The following ARHGAP26 variants were observed in gnomAD, a reference collection of about 807,000 sequenced individuals.
The protein encoded by ARHGAP26 is Rho GTPase activating protein 26.
In ARHGAP26, 38 loss-of-function variants were observed where a neutral mutation model predicts 104.8. That is an observed-to-expected ratio of 0.36 (90% CI 0.28 to 0.48). The LOEUF is 0.48. Among genes scored for constraint, ARHGAP26 ranks in the 20% least tolerant of loss-of-function variants. The pLI is 0.99. For synonymous variants in ARHGAP26, 341 were observed against 340.0 expected (o/e 1.00, Z -0.03); for missense variants, 704 against 947.9 (o/e 0.74, Z 3.38).
At chr5:142,772,632 G>A in intron 1 of ARHGAP26, 3 of 444,698 alleles carry the variant, frequency 6.7e-6, no homozygotes, top group Non-Finnish European at 1.4e-5. Context: ...TTCTGCAAAT[G>A]AGAAAACAGA....
At position 143,037,192 on chromosome 5, in the gene ARHGAP26, T is replaced by G; in HGVS notation, c.1145-4T>G. 6.3e-7 allele frequency: 1 copy of G among 1,599,088 alleles called. No individual in the cohort carries two copies. The highest frequency in any genetic ancestry group is 8.6e-7 in the Non-Finnish European group (1 of 1,168,672). ...ACTTGACTGTCCTTCTCTTGCTCTT[T>G]CAGCTGCGCAGTTGGACAGCATTGG... On this transcript the variant is annotated splice_region_variant and splice_polypyrimidine_tract_variant and intron_variant, in intron 12 of 22. Transcript: ENST00000645722.
intron 1 of ARHGAP26, among the ~76,000 whole-genome samples, chr5:142,813,002 A>G (rs1252704632): frequency 2.1e-5 from 3 of 142,972 alleles, no homozygotes; most frequent in African/African-American, 7.9e-5. Context: ...CAGTGGCGCG[A>G]TCTCGGCTCA....
chr5:143,003,413 C>G (rs1259177130), intron 11 of ARHGAP26, among the ~76,000 whole-genome samples: 1 of 152,170 alleles, frequency 6.6e-6, no homozygotes, highest in Non-Finnish European at 1.5e-5. Flanking sequence ...AAGACCCAGA[C>G]GAAGGAATGC....
chr5:142,784,329 A>G (rs893539582), intron 1 of ARHGAP26, among the ~76,000 whole-genome samples: 2 of 152,038 alleles, frequency 1.3e-5, no homozygotes, highest in Admixed American at 1.3e-4. Context: ...CTTGCTTCTC[A>G]TCTCCCCCAC....
intron 17 of ARHGAP26, among the ~76,000 whole-genome samples, chr5:143,110,129 C>T (rs978279220): frequency 6.6e-6 from 1 of 152,212 alleles, no homozygotes; most frequent in African/African-American, 2.4e-5. Flanking sequence ...CATGAGATGT[C>T]CTTGACCACC....
chr5:142,810,453 A>C (rs765105623), intron 1 of ARHGAP26, among the ~76,000 whole-genome samples: 5 of 152,088 alleles, frequency 3.3e-5, no homozygotes, highest in African/African-American at 4.8e-5. Context: ...TTTAATGAAC[A>C]TGCCTTTTTG....
At chr5:142,925,527 A>G (rs1408041632) in intron 10 of ARHGAP26, among the ~76,000 whole-genome samples, 1 of 152,224 alleles carries the variant, frequency 6.6e-6, no homozygotes, top group Non-Finnish European at 1.5e-5. Context: ...ATCTTTGTGT[A>G]AATGAAGCTC....
At chr5:142,899,743 G>A (rs1208333779) in intron 6 of ARHGAP26, among the ~76,000 whole-genome samples, 2 of 152,092 alleles carry the variant, frequency 1.3e-5, no homozygotes, top group Non-Finnish European at 2.9e-5. Flanking sequence ...GGTGCTGGGA[G>A]GAGAGAAGCA....
intron 14 of ARHGAP26, among the ~76,000 whole-genome samples, chr5:143,045,923 A>C (rs747027619): frequency 6.6e-6 from 1 of 152,234 alleles, no homozygotes; most frequent in Non-Finnish European, 1.5e-5. Context: ...ACCTGAAGTC[A>C]GGAGTTCGAG....
At chr5:143,103,766 A>G (rs994360691) in intron 17 of ARHGAP26, among the ~76,000 whole-genome samples, 1 of 152,122 alleles carries the variant, frequency 6.6e-6, no homozygotes, top group Non-Finnish European at 1.5e-5. Context: ...GGGCACAGGG[A>G]GGGGCACAGC....
rs1755029767 is a variant in ARHGAP26, at chr5:142,770,730, GGCGCGCCCCCCGGCT to G, written c.-30_-16del. 1 of 1,226,278 alleles carries G rather than the reference GGCGCGCCCCCCGGCT, an allele frequency of 8.2e-7. No homozygotes were observed. Among genetic ancestry groups the G allele is most frequent in the African/African-American group, 1.6e-5 (1 of 62,654 alleles). 76.0% of individuals were successfully genotyped at this position (1,226,278 alleles called of 1,614,324 possible). A position where few individuals can be genotyped will look rare whatever the true frequency, so the allele number is the denominator to read the frequency against. On this transcript the variant is annotated 5_prime_UTR_variant, in exon 1 of 23. Transcript: ENST00000645722. The stretch of plus-strand genomic sequence containing the variant: ...GGCGGGCGGCCCGGGCCCCGGCGGA[GGCGCGCCCCCCGGCT>G]GGGCGCCGCGCGCACCATGGGGCTC...
In ARHGAP26 at chr5:142,920,436, G is replaced by A. The variant is rs80075453; in HGVS notation, c.1028+7143G>A. Among the ~76,000 whole-genome samples, 184 of 152,310 alleles carry A rather than the reference G, an allele frequency of 1.2e-3. 1 individual carries two copies. The highest frequency in any genetic ancestry group is 3.3e-3 in the African/African-American group (139 of 41,556). On this transcript the variant is annotated intron_variant, in intron 10 of 22. Transcript: ENST00000645722. ...AATTTCTCACAGATGTAAGTGACAC[G>A]TGGATATTTTCTCTCAGGTGTTTTC...
chr5:143,005,625 C>T (rs1777839103), intron 11 of ARHGAP26, among the ~76,000 whole-genome samples: 1 of 152,142 alleles, frequency 6.6e-6, no homozygotes, highest in Non-Finnish European at 1.5e-5. Context: ...GCACTTTTTT[C>T]CCCCAATGTT....
At chr5:142,844,182 C>A (rs1168260826) in intron 1 of ARHGAP26, among the ~76,000 whole-genome samples, 1 of 151,460 alleles carries the variant, frequency 6.6e-6, no homozygotes, top group Non-Finnish European at 1.5e-5. Context: ...TCCTGAGTAG[C>A]TGGGATTATA....
At chr5:142,973,302 A>G (rs1400080423) in intron 11 of ARHGAP26, among the ~76,000 whole-genome samples, 1 of 152,228 alleles carries the variant, frequency 6.6e-6, no homozygotes, top group Non-Finnish European at 1.5e-5. Context: ...AGTCCTGTGC[A>G]GTATTTTCTA....
intron 12 of ARHGAP26, among the ~76,000 whole-genome samples, chr5:143,035,576 A>C (rs1438189593): frequency 2.0e-5 from 3 of 152,248 alleles, no homozygotes; most frequent in Admixed American, 2.0e-4. Context: ...AAGCCTACAA[A>C]TAGGGTGCTG....
At chr5:142,957,938 G>A (rs1769532883) in intron 11 of ARHGAP26, among the ~76,000 whole-genome samples, 1 of 152,264 alleles carries the variant, frequency 6.6e-6, no homozygotes, top group African/African-American at 2.4e-5. Flanking sequence ...GCCTTTGAGA[G>A]ATGCTGCAGA....
chr5:143,134,204 C>T, intron 19 of ARHGAP26, 99 bp downstream of exon 19: 1 of 1,398,778 alleles, frequency 7.1e-7, no homozygotes, highest in Non-Finnish European at 9.5e-7. Flanking sequence ...CTGTGTGCTA[C>T]TGGCTTTTTG....
chr5:143,003,694 G>A (rs1291182233), intron 11 of ARHGAP26, among the ~76,000 whole-genome samples: 1 of 152,194 alleles, frequency 6.6e-6, no homozygotes, highest in African/African-American at 2.4e-5. Context: ...GGAAATATTT[G>A]TGGAGTAAGG....
Sources: gnomAD v4.1 joint callset for allele counts (sites outside exome capture counted in the v4.1 genomes callset) on GRCh38, gnomAD v4.1.1 for gene constraint, MANE v1.5 for transcripts, NCBI Gene and HGNC (gene_info 2026-07-23, HGNC 2026-07-21) for gene names.